Variants in HEATR5A observed in about 807,000 individuals in gnomAD.
HEATR5A encodes HEAT repeat containing 5A.
In HEATR5A, 178 loss-of-function variants were observed where a neutral mutation model predicts 218.8. That is an observed-to-expected ratio of 0.81 (90% CI 0.72 to 0.92). The LOEUF (loss-of-function observed/expected upper bound fraction) is 0.92. Ranked by LOEUF, HEATR5A falls within the 40% of genes least tolerant of loss-of-function variation. The pLI is 0.00. For synonymous variants in HEATR5A, 864 were observed against 871.6 expected, an observed-to-expected ratio of 0.99 and a Z score of 0.15; for missense variants, 2,420 against 2,418.9, an observed-to-expected ratio of 1.00 and a Z score of -0.01.
intron 28 of HEATR5A, among the ~76,000 whole-genome samples, chr14:31,311,453 C>T (rs911735495): frequency 6.6e-6 from 1 of 151,786 alleles, no homozygotes; most frequent in Admixed American, 6.6e-5. Context: ...GCTCTGTCAC[C>T]CAGGCTGGAG....
At chr14:31,349,738 T>C (rs991218786) in intron 18 of HEATR5A, 51 bp downstream of exon 18, 2 of 1,232,854 alleles carry the variant, frequency 1.6e-6, no homozygotes, top group African/African-American at 1.5e-5. Flanking sequence ...CAGAAAGCTA[T>C]ACCCAGTTTT....
chr14:31,380,780 A>G (rs1023471188), intron 10 of HEATR5A, among the ~76,000 whole-genome samples: 3 of 152,258 alleles, frequency 2.0e-5, no homozygotes, highest in Admixed American at 6.5e-5. Context: ...AAATACTGGT[A>G]TATGAGGTAG....
chr14:31,392,820 C>T (rs898801240), intron 6 of HEATR5A, among the ~76,000 whole-genome samples: 14 of 152,282 alleles, frequency 9.2e-5, no homozygotes, highest in South Asian at 4.1e-4. Flanking sequence ...ATAAAGTCAT[C>T]CTGGACTTCT....
chr14:31,352,041 C>T (rs754187823), intron 16 of HEATR5A, among the ~76,000 whole-genome samples: 2 of 152,096 alleles, frequency 1.3e-5, no homozygotes, highest in Non-Finnish European at 2.9e-5. Context: ...AAGATAAATA[C>T]ACACAATATT....
In HEATR5A at chr14:31,320,574, G is replaced by A. The variant is rs1900062801; in HGVS notation, c.3969+925C>T. The A allele has an allele frequency of 3.7e-6, 3 of 818,764 alleles. No homozygotes were observed. The East Asian group carries it at 7.9e-5, about 21-fold the overall frequency. 50.7% of individuals were successfully genotyped at this position (818,764 alleles called of 1,614,324 possible). A position where few individuals can be genotyped will look rare whatever the true frequency, so the allele number is the denominator to read the frequency against. On this transcript the variant is annotated intron_variant, in intron 25 of 35. Transcript: ENST00000543095. The stretch of plus-strand genomic sequence containing the variant: ...GAGAAGGCAGACACAGGCCTGATTA[G>A]ACCCCTGGTACAACAGCAGATCAGA...
chr14:31,306,199 T>A (rs541298682), intron 31 of HEATR5A, among the ~76,000 whole-genome samples: 10 of 152,294 alleles, frequency 6.6e-5, no homozygotes, highest in Middle Eastern at 3.4e-3. Context: ...CATGCCAGGC[T>A]AGGCATGATG....
rs1902049710 is a variant in HEATR5A at position 31,371,905 on chromosome 14, G to A, written c.1866C>T (p.Ile622=). 6.6e-7 allele frequency: 1 copy of A among 1,507,506 alleles called. No individual in the cohort carries two copies. The highest frequency in any genetic ancestry group is 9.0e-7 in the Non-Finnish European group (1 of 1,117,278). The allele number at this position is 1,507,506 out of a possible 1,614,324, so 93.4% of individuals were successfully genotyped here. The change falls in exon 13 of 36, where the codon ATC becomes ATT. Residue 622 remains isoleucine, a synonymous_variant. Transcript: ENST00000543095. ...LEGRAGALCA[I]KSFVSHCGDL... is the part of the protein sequence containing the mutation. ...CACCACAGTGGGAAACAAAGCTCTT[G>A]ATAGCTGAAAAGGAAAACAGACTTT...
At chr14:31,300,742 C>G (rs1430865307) in intron 33 of HEATR5A, among the ~76,000 whole-genome samples, 4 of 152,186 alleles carry the variant, frequency 2.6e-5, no homozygotes, top group Admixed American at 6.5e-5. Flanking sequence ...CACAGTTTGA[C>G]TTCTTTTGCC....
At position 31,326,418 on chromosome 14, in the gene HEATR5A, G is replaced by C. The variant is rs554615555; in HGVS notation, c.3368-76C>G. On this transcript the variant is annotated intron_variant, in intron 22 of 35. Transcript: ENST00000543095. The stretch of plus-strand genomic sequence containing the variant: ...ATATCAGAAGCTCACACATTCAGTA[G>C]TTATTCAAATAGTAGATAAAAATAC... 5.0e-5 allele frequency: 52 copies of C among 1,039,126 alleles called. No individual in the cohort carries two copies. The African/African-American group carries it at 7.0e-4, about 14-fold the overall frequency. The allele number at this position is 1,039,126 out of a possible 1,614,324, so 64.4% of individuals were successfully genotyped here. A position where few individuals can be genotyped will look rare whatever the true frequency, so the allele number is the denominator to read the frequency against.
chr14:31,414,843 G>A (rs925075794), intron 1 of HEATR5A, among the ~76,000 whole-genome samples: 1 of 151,910 alleles, frequency 6.6e-6, no homozygotes, highest in Admixed American at 6.6e-5. Flanking sequence ...TTATTTATTT[G>A]TTTGTTTGTT....
intron 16 of HEATR5A, among the ~76,000 whole-genome samples, chr14:31,358,340 A>ATT (rs1901497396): frequency 6.6e-6 from 1 of 152,110 alleles, no homozygotes; most frequent in Admixed American, 6.5e-5. Context: ...AAAACCTAGT[A>ATT]TGTGTCTTTG....
intron 16 of HEATR5A, among the ~76,000 whole-genome samples, chr14:31,358,105 T>C (rs7153493): frequency 0.012 from 1,764 of 152,322 alleles, 19 homozygotes; most frequent in African/African-American, 0.035. Flanking sequence ...TGAGGTGGAA[T>C]AGTTTTATCC....
At chr14:31,335,038 C>T (rs1763238183) in intron 22 of HEATR5A, among the ~76,000 whole-genome samples, 2 of 151,874 alleles carry the variant, frequency 1.3e-5, no homozygotes, top group African/African-American at 4.8e-5. Context: ...GCCATCAACA[C>T]TGAGGCAAGA....
Position 31,349,911 on chromosome 14 carries a change from C to T in HEATR5A, c.2586G>A (p.Met862Ile), listed in dbSNP as rs745579807. 1 of 1,611,538 alleles carries T rather than the reference C, an allele frequency of 6.2e-7. No homozygotes were observed. The highest frequency in any genetic ancestry group is 1.7e-5 in the Admixed American group (1 of 59,600). Residue 862 changes from methionine to isoleucine, a missense_variant, in exon 18 of 36, where the codon ATG becomes ATA. Physicochemically the swap from Met to Ile is conservative, Grantham distance 10. Transcript: ENST00000543095. ...EMKRFALTLVMGALESPNPLL... is the reference protein window; with the variant it reads ...EMKRFALTLVIGALESPNPLL... Reference sequence around the variant, plus strand: ...AGGGGTTGGGGCTTTCTAGGGCTCCCATAACTAATGTTAAGGCAAATCTTT... The same window carrying T: ...AGGGGTTGGGGCTTTCTAGGGCTCCTATAACTAATGTTAAGGCAAATCTTT...
intron 12 of HEATR5A, among the ~76,000 whole-genome samples, chr14:31,374,132 T>C (rs1407526758): frequency 6.6e-6 from 1 of 151,660 alleles, no homozygotes; most frequent in Admixed American, 6.6e-5. Flanking sequence ...ATAGTGAGAC[T>C]CCATCTCTAC....
Position 31,323,675 on chromosome 14 carries a change from C to A in HEATR5A, c.3677G>T (p.Arg1226Ile). 1.2e-6 allele frequency: 2 copies of A among 1,613,706 alleles called. No individual in the cohort carries two copies. The highest frequency in any genetic ancestry group is 1.7e-6 in the Non-Finnish European group (2 of 1,179,764). ...HPFTNPRWAT[R>I]VFAAECVCRI... ...ACAGACACATTCAGCAGCAAAGACT[C>A]TAGTAGCCCATCGGGGATTGGTAAA... The change falls in exon 24 of 36, where the codon AGA becomes ATA. Residue 1226 changes from arginine (R) to isoleucine (I), a missense_variant. Physicochemically the swap from Arg to Ile is moderately conservative, Grantham distance 97. Transcript: ENST00000543095.
At chr14:31,395,108 G>T in intron 5 of HEATR5A, 91 bp downstream of exon 5, 2 of 808,148 alleles carry the variant, frequency 2.5e-6, no homozygotes, top group Non-Finnish European at 3.6e-6. Context: ...TGACTACCAA[G>T]ATCATGTAGC....
At chr14:31,368,901 A>C (rs1031392769) in intron 13 of HEATR5A, among the ~76,000 whole-genome samples, 1 of 152,118 alleles carries the variant, frequency 6.6e-6, no homozygotes, top group Non-Finnish European at 1.5e-5. Context: ...GTACTAACCA[A>C]AGAGTAAAAG....
intron 1 of HEATR5A, among the ~76,000 whole-genome samples, chr14:31,408,834 A>C (rs978794099): frequency 1.3e-5 from 2 of 150,016 alleles, no homozygotes; most frequent in African/African-American, 4.9e-5. Context: ...TTTTTTATAA[A>C]GATGGAGTCT....
Sources: gnomAD v4.1 joint callset for allele counts (sites outside exome capture counted in the v4.1 genomes callset) on GRCh38, gnomAD v4.1.1 for gene constraint, MANE v1.5 for transcripts, NCBI Gene and HGNC (gene_info 2026-07-23, HGNC 2026-07-21) for gene names.